PRKCA: variants seen among roughly 807,000 people sequenced by gnomAD.
PRKCA encodes the protein protein kinase C alpha type.
PRKCA carries 27 observed loss-of-function variants against 87.0 expected under a neutral mutation model. The observed-to-expected ratio is 0.31, with a 90% confidence interval of 0.23 to 0.43. The LOEUF (loss-of-function observed/expected upper bound fraction) is 0.43. Ranked by LOEUF, PRKCA falls within the 20% of genes least tolerant of loss-of-function variation. The pLI, the probability that PRKCA is intolerant of heterozygous loss-of-function variation, is 1.00. For synonymous variants in PRKCA, 329 were observed against 311.1 expected (o/e 1.06, Z -0.61); for missense variants, 518 against 852.3 (o/e 0.61, Z 4.88).
At chr17:66,785,769 C>T (rs1975368583) in intron 14 of PRKCA, among the ~76,000 whole-genome samples, 1 of 152,222 alleles carries the variant, frequency 6.6e-6, no homozygotes, top group Non-Finnish European at 1.5e-5. Flanking sequence ...TTATTGGGTA[C>T]AACATAAAAT....
intron 2 of PRKCA, among the ~76,000 whole-genome samples, chr17:66,330,768 T>C (rs1302398302): frequency 6.6e-6 from 1 of 152,182 alleles, no homozygotes. Context: ...AGATGGACTT[T>C]AAAATAGCAA....
At chr17:66,511,323 G>A (rs1349779545) in intron 3 of PRKCA, among the ~76,000 whole-genome samples, 1 of 152,124 alleles carries the variant, frequency 6.6e-6, no homozygotes. Context: ...TTCTTAAACA[G>A]GTTGTTCTCC....
rs527665889 is a variant in PRKCA, at chr17:66,443,577, A to G, written c.206-52624A>G. Among the ~76,000 whole-genome samples the G allele has an allele frequency of 4.4e-4, 67 of 152,264 alleles. 1 individual carries two copies. In the Middle Eastern group the frequency reaches 0.017, roughly 39 times the overall value. ...GTAAATGTCTGTTATGGTGAGTGAC[A>G]TGGTGGCATGTTGGGCTCTATGAAA... On this transcript the variant is annotated intron_variant, in intron 2 of 16. Coordinates refer to ENST00000413366, the MANE Select transcript of PRKCA (RefSeq NM_002737.3).
At chr17:66,370,208 T>TA (rs1909009599) in intron 2 of PRKCA, among the ~76,000 whole-genome samples, 1 of 146,050 alleles carries the variant, frequency 6.8e-6, no homozygotes, top group Non-Finnish European at 1.5e-5. Context: ...AATGAAGCGA[T>TA]AAATAAAGCT....
At chr17:66,789,076 C>G in intron 16 of PRKCA, 97 bp downstream of exon 16, 1 of 1,467,558 alleles carries the variant, frequency 6.8e-7, no homozygotes, top group Non-Finnish European at 9.3e-7. Context: ...AGGCCGGTGC[C>G]CCTGGCTTGT....
At chr17:66,400,203 G>C (rs1251967926) in intron 2 of PRKCA, among the ~76,000 whole-genome samples, 2 of 152,218 alleles carry the variant, frequency 1.3e-5, no homozygotes, top group Admixed American at 1.3e-4. Flanking sequence ...CCAGGCTGGA[G>C]TGCAGTGGCA....
At chr17:66,565,795 A>T (rs969815626) in intron 3 of PRKCA, among the ~76,000 whole-genome samples, 10 of 149,432 alleles carry the variant, frequency 6.7e-5, no homozygotes, top group African/African-American at 2.2e-4. Flanking sequence ...AACACTTGGA[A>T]CCTGTTTACT....
chr17:66,738,941 G>A (rs1974098705), intron 11 of PRKCA, 86 bp downstream of exon 11: 1 of 1,047,094 alleles, frequency 9.6e-7, no homozygotes, highest in Non-Finnish European at 1.4e-6. Flanking sequence ...GCTTGAGATT[G>A]GGGGTCTCAC....
At chr17:66,347,024 C>A in intron 2 of PRKCA, among the ~76,000 whole-genome samples, 1 of 140,082 alleles carries the variant, frequency 7.1e-6, no homozygotes. Context: ...GAGCAAGACT[C>A]CATCTAAAAA....
chr17:66,697,800 C>G (rs1301984085), intron 8 of PRKCA, among the ~76,000 whole-genome samples: 1 of 152,002 alleles, frequency 6.6e-6, no homozygotes, highest in Non-Finnish European at 1.5e-5. Context: ...ACCCCCCACC[C>G]CCAGACTGAG....
rs780909052 is a variant in PRKCA, at chr17:66,804,246, G to A, written c.*209G>A. On this transcript the variant is annotated 3_prime_UTR_variant, in exon 17 of 17. Transcript: ENST00000413366. ...ACATTATCTTAGTGGAAGATGGTAC[G>A]TCATGCTCAGTGTCCAGTTTAATTC... 8.1e-5 allele frequency: 49 copies of A among 606,602 alleles called. No individual in the cohort carries two copies. Among genetic ancestry groups the A allele is most frequent in the Non-Finnish European group, 1.1e-4 (41 of 379,816 alleles). 37.6% of individuals were successfully genotyped at this position (606,602 alleles called of 1,614,324 possible). A position where few individuals can be genotyped will look rare whatever the true frequency, so the allele number is the denominator to read the frequency against.
intron 2 of PRKCA, among the ~76,000 whole-genome samples, chr17:66,349,991 C>A (rs542273746): frequency 6.6e-6 from 1 of 151,698 alleles, no homozygotes; most frequent in Non-Finnish European, 1.5e-5. Context: ...TAGGAGCCGG[C>A]GTGTGTGGGG....
chr17:66,794,612 G>T (rs575305094), intron 16 of PRKCA, among the ~76,000 whole-genome samples: 11 of 149,972 alleles, frequency 7.3e-5, no homozygotes, highest in African/African-American at 2.2e-4. Context: ...TGTTTTTTGG[G>T]GGGGGTTTTT....
In PRKCA at chr17:66,799,037, GTGGTGGTGATGGTGA is replaced by G. The variant is rs1975789610; in HGVS notation, c.1855-4827_1855-4813del. ...GGTGGTGGTGGTGGTGGTGGTGGTG[GTGGTGGTGATGGTGA>G]TGGTGGTGGTGGTGGTGGTGGTGGT... On this transcript the variant is annotated intron_variant, in intron 16 of 16. Coordinates refer to ENST00000413366, the MANE Select transcript of PRKCA (RefSeq NM_002737.3). Among the ~76,000 whole-genome samples the G allele has an allele frequency of 2.1e-5, 3 of 144,342 alleles. 1 individual carries two copies. Among genetic ancestry groups the G allele is most frequent in the African/African-American group, 2.5e-5 (1 of 39,550 alleles). The allele number at this position is 144,342 out of a possible 152,430, so 94.7% of individuals were successfully genotyped here.
At chr17:66,639,915 A>G (rs1438536671) in intron 3 of PRKCA, among the ~76,000 whole-genome samples, 2 of 152,042 alleles carry the variant, frequency 1.3e-5, no homozygotes, top group African/African-American at 4.8e-5. Context: ...GAATCGCTTG[A>G]ACCTGGGAGG....
At chr17:66,363,363 T>TA (rs1405549717) in intron 2 of PRKCA, among the ~76,000 whole-genome samples, 2 of 152,260 alleles carry the variant, frequency 1.3e-5, no homozygotes, top group Non-Finnish European at 2.9e-5. Flanking sequence ...AGGAAACAGT[T>TA]ACTGATTTTC....
chr17:66,333,630 G>A (rs1446847108), intron 2 of PRKCA, among the ~76,000 whole-genome samples: 1 of 152,134 alleles, frequency 6.6e-6, no homozygotes, highest in Non-Finnish European at 1.5e-5. Flanking sequence ...GAAGGGGTCT[G>A]GGCTACGTAA....
intron 5 of PRKCA, among the ~76,000 whole-genome samples, chr17:66,660,990 G>A (rs1327691304): frequency 6.6e-6 from 1 of 152,140 alleles, no homozygotes; most frequent in South Asian, 2.1e-4. Context: ...AAGAAATCTA[G>A]AGTATCGTGA....
intron 8 of PRKCA, chr17:66,703,281 TAAAATTTTTTTTCTGTTAA>T (rs1396514706): frequency 1.3e-5 from 2 of 152,210 alleles, no homozygotes; most frequent in Non-Finnish European, 2.9e-5. Flanking sequence ...TTTAAAAATT[TAAAATTTTTTTTCTGTTAA>T]AAAATTTTTT....
Sources: allele counts gnomAD v4.1 joint callset (sites outside exome capture counted in the v4.1 genomes callset), GRCh38; gene constraint gnomAD v4.1.1; transcripts MANE v1.5; gene names NCBI Gene and HGNC (gene_info 2026-07-23, HGNC 2026-07-21).